FANCB: variants seen among roughly 807,000 people sequenced by gnomAD.
FANCB encodes the protein Fanconi anemia group B protein.
FANCB carries 5 observed loss-of-function variants against 38.9 expected under a neutral mutation model. That is an observed-to-expected ratio of 0.13 (90% confidence interval 0.07 to 0.27). The LOEUF (loss-of-function observed/expected upper bound fraction) is 0.27, where lower values mean the gene tolerates loss of function less well. Ranked by LOEUF, FANCB falls within the 10% of genes least tolerant of loss-of-function variation. The probability of loss-of-function intolerance (pLI) is 1.00; values close to 1 mark genes in which losing one functional copy is unlikely to be tolerated. For synonymous variants in FANCB, 236 were observed against 215.4 expected (o/e 1.10, Z -0.84); for missense variants, 573 against 602.7 (o/e 0.95, Z 0.52).
At chrX:14,795,599 C>T in the FANCB span, among the ~76,000 whole-genome samples, 2 of 111,694 alleles carry the variant, frequency 1.8e-5, no homozygotes, top group South Asian at 3.7e-4. Context: ...AGAAAGATTG[C>T]GTGCAAATGC....
chrX:14,854,249 A>T (rs1292166832), intron 5 of FANCB, among the ~76,000 whole-genome samples: 1 of 111,466 alleles, frequency 9.0e-6, no homozygotes, highest in East Asian at 2.8e-4. Flanking sequence ...AAAGGTATGT[A>T]GCCACAACTG....
the FANCB span, chrX:14,690,799 C>T: frequency 5.8e-6 from 7 of 1,200,980 alleles, no homozygotes; most frequent in African/African-American, 5.3e-5. Flanking sequence ...CGGTGAACTT[C>T]GTCTCCAGGC....
chrX:14,760,662 C>T, the FANCB span, among the ~76,000 whole-genome samples: 1 of 111,713 alleles, frequency 9.0e-6, no homozygotes, highest in African/African-American at 3.3e-5. Context: ...CAATTTAAAA[C>T]CAATTTTTAA....
At chrX:14,791,413 T>A in the FANCB span, among the ~76,000 whole-genome samples, 1 of 111,561 alleles carries the variant, frequency 9.0e-6, no homozygotes, top group Non-Finnish European at 1.9e-5. Context: ...CCCTAGCACC[T>A]CTGGAGGGAG....
the FANCB span, among the ~76,000 whole-genome samples, chrX:14,741,154 T>C: frequency 2.7e-5 from 3 of 111,559 alleles, no homozygotes; most frequent in African/African-American, 9.8e-5. Context: ...ATTGGGTGTA[T>C]GGAAGGCTTA....
the FANCB span, among the ~76,000 whole-genome samples, chrX:14,828,113 T>C: frequency 8.9e-6 from 1 of 112,359 alleles, no homozygotes; most frequent in Non-Finnish European, 1.9e-5. Context: ...AAATACTTTA[T>C]TCCTAAAAAA....
chrX:14,725,218 T>C, the FANCB span, among the ~76,000 whole-genome samples: 1 of 111,898 alleles, frequency 8.9e-6, no homozygotes, highest in Non-Finnish European at 1.9e-5. Flanking sequence ...CATTTATTAT[T>C]CATGTCTATT....
At chrX:14,760,013 A>C in the FANCB span, among the ~76,000 whole-genome samples, 1 of 111,694 alleles carries the variant, frequency 9.0e-6, no homozygotes, top group African/African-American at 3.3e-5. Context: ...AGGAAGTACT[A>C]AACATGGAAA....
At chrX:14,819,395 T>C in the FANCB span, among the ~76,000 whole-genome samples, 14 of 111,031 alleles carry the variant, frequency 1.3e-4, no homozygotes, top group African/African-American at 4.6e-4. Context: ...CAATGAACAG[T>C]TTATTGTCAT....
chrX:14,796,471 G>GATTATATATATAACATAT, the FANCB span, among the ~76,000 whole-genome samples: 2 of 92,337 alleles, frequency 2.2e-5, no homozygotes, highest in Non-Finnish European at 4.2e-5. Flanking sequence ...ACATATAATA[G>GATTATATATATAACATAT]ATTATATATA....
chrX:14,709,835 C>T, the FANCB span, among the ~76,000 whole-genome samples: 1 of 112,060 alleles, frequency 8.9e-6, no homozygotes, highest in South Asian at 3.7e-4. Context: ...ACAGTGTTCA[C>T]CTGCTTCGGT....
chrX:14,785,034 G>A, the FANCB span, among the ~76,000 whole-genome samples: 1 of 111,825 alleles, frequency 8.9e-6, no homozygotes, highest in African/African-American at 3.3e-5. Flanking sequence ...CAAAGGATAA[G>A]GAGAGCATTA....
At chrX:14,791,692 G>C in the FANCB span, among the ~76,000 whole-genome samples, 2 of 112,032 alleles carry the variant, frequency 1.8e-5, no homozygotes, top group Non-Finnish European at 3.8e-5. Flanking sequence ...TGAGGTGACA[G>C]ATTAGCCTCT....
the FANCB span, among the ~76,000 whole-genome samples, chrX:14,779,920 C>T: frequency 9.0e-6 from 1 of 110,909 alleles, no homozygotes; most frequent in African/African-American, 3.4e-5. Flanking sequence ...TTAGTTGATA[C>T]TAAACATAAT....
chrX:14,691,329 G>GCA, the FANCB span, among the ~76,000 whole-genome samples: 2 of 67,619 alleles, frequency 3.0e-5, no homozygotes, highest in African/African-American at 9.9e-5. Context: ...GTGTGTGCGC[G>GCA]CGTGCGTGCG....
chrX:14,860,533 G>A (rs2092442287), intron 3 of FANCB, among the ~76,000 whole-genome samples: 1 of 111,927 alleles, frequency 8.9e-6, no homozygotes, highest in South Asian at 3.7e-4. Context: ...CAATAGAAAG[G>A]TAAGTGAGCC....
chrX:14,743,010 C>T, the FANCB span, among the ~76,000 whole-genome samples: 2 of 112,827 alleles, frequency 1.8e-5, no homozygotes, highest in East Asian at 5.6e-4. Context: ...TCTCTCAAAG[C>T]CTCAGTTTAT....
chrX:14,734,820 T>C, the FANCB span, among the ~76,000 whole-genome samples: 1 of 110,898 alleles, frequency 9.0e-6, no homozygotes, highest in East Asian at 2.8e-4. Context: ...AAGAGTGTTT[T>C]CCAACTTGGT....
At chrX:14,737,449 G>T in the FANCB span, among the ~76,000 whole-genome samples, 1 of 111,693 alleles carries the variant, frequency 9.0e-6, no homozygotes. Flanking sequence ...GAGGAATATT[G>T]CAGGGTGGTT....
Sources: allele counts gnomAD v4.1 joint callset (sites outside exome capture counted in the v4.1 genomes callset), GRCh38; gene constraint gnomAD v4.1.1; transcripts MANE v1.5; gene names NCBI Gene and HGNC (gene_info 2026-07-23, HGNC 2026-07-21).